LINC00632: variants seen among roughly 807,000 people sequenced by gnomAD.
LINC00632 encodes ALDOA related specific transcript.
chrX:140,723,710 CACACGCCAT>C (rs1281881560), intron 2 of LINC00632, among the ~76,000 whole-genome samples: 10 of 218 alleles, frequency 0.046, no homozygotes, highest in Non-Finnish European at 0.061. Flanking sequence ...TCCATATACA[CACACGCCAT>C]ACACACATTC....
intron 3 of LINC00632, among the ~76,000 whole-genome samples, chrX:140,742,197 G>A (rs1931233733): frequency 8.9e-6 from 1 of 111,874 alleles, no homozygotes; most frequent in Non-Finnish European, 1.9e-5. Flanking sequence ...AAGTTTATTG[G>A]AAAATTTTTG....
intron 2 of LINC00632, among the ~76,000 whole-genome samples, chrX:140,732,323 T>G (rs150722691): frequency 8.9e-6 from 1 of 112,226 alleles, no homozygotes; most frequent in East Asian, 2.8e-4. Context: ...TACACTCAGA[T>G]GCCATGTATA....
chrX:140,736,436 CTTTTTTT>C (rs748293491), intron 3 of LINC00632, among the ~76,000 whole-genome samples: 8 of 50,064 alleles, frequency 1.6e-4, no homozygotes, highest in Non-Finnish European at 3.5e-4. Context: ...TCTTCTTCTT[CTTTTTTT>C]TTTTTTTTTT....
At chrX:140,711,841 GA>G in intron 2 of LINC00632, 1 of 144,805 alleles carries the variant, frequency 6.9e-6, no homozygotes, top group South Asian at 1.8e-4. Flanking sequence ...TAAGTGTTGT[GA>G]TTTTTTTCTT....
chrX:140,759,348 T>TTC (rs1569354270), intron 3 of LINC00632, among the ~76,000 whole-genome samples: 37 of 46,644 alleles, frequency 7.9e-4, no homozygotes, highest in East Asian at 4.4e-3. Flanking sequence ...TTCCTTCCTT[T>TTC]CTTTCTTTCT....
exon 5 of LINC00632, among the ~76,000 whole-genome samples, chrX:140,788,913 ATGTGTGTGTG>A (rs72149065): frequency 1.1e-5 from 1 of 95,018 alleles, no homozygotes; most frequent in African/African-American, 3.7e-5. Context: ...ATATATATAT[ATGTGTGTGTG>A]TGTGTGTGTG....
At chrX:140,772,641 T>C (rs1005203535) in exon 4 of LINC00632, 6 of 210,968 alleles carry the variant, frequency 2.8e-5, no homozygotes, top group African/African-American at 1.5e-4. Flanking sequence ...TTGGTGTTAA[T>C]GAACCTACAC....
chrX:140,718,798 C>T (rs960910671), intron 2 of LINC00632, among the ~76,000 whole-genome samples: 2 of 111,913 alleles, frequency 1.8e-5, no homozygotes, highest in African/African-American at 6.5e-5. Flanking sequence ...CAGCTAGACA[C>T]GCTACAATGC....
intron 1 of LINC00632, chrX:140,711,580 C>T (rs1930514432): frequency 3.3e-6 from 1 of 298,809 alleles, no homozygotes; most frequent in South Asian, 3.4e-5. Flanking sequence ...AATATCTTTC[C>T]ATATAAATAT....
At chrX:140,752,249 A>G (rs1185498618) in intron 3 of LINC00632, among the ~76,000 whole-genome samples, 1 of 111,996 alleles carries the variant, frequency 8.9e-6, no homozygotes, top group Non-Finnish European at 1.9e-5. Context: ...CTGAATAGTC[A>G]GTAGCGACAT....
exon 5 of LINC00632, among the ~76,000 whole-genome samples, chrX:140,778,570 AC>A (rs1931899864): frequency 9.4e-6 from 1 of 106,636 alleles, no homozygotes; most frequent in Admixed American, 1.0e-4. Flanking sequence ...GCACCACTGC[AC>A]TCCAGCCTGG....
chrX:140,736,341 A>G (rs1250976054), intron 3 of LINC00632, among the ~76,000 whole-genome samples: 4 of 110,434 alleles, frequency 3.6e-5, no homozygotes, highest in African/African-American at 1.3e-4. Flanking sequence ...ATTTCTTGGA[A>G]TAATTGACTA....
intron 2 of LINC00632, among the ~76,000 whole-genome samples, chrX:140,718,757 T>A (rs1428218530): frequency 9.0e-6 from 1 of 111,646 alleles, no homozygotes; most frequent in African/African-American, 3.3e-5. Context: ...TCATATAGAG[T>A]TTCTGCATAA....
exon 5 of LINC00632, among the ~76,000 whole-genome samples, chrX:140,788,054 CT>C (rs143548409): frequency 6.1e-4 from 67 of 109,607 alleles, no homozygotes; most frequent in Non-Finnish European, 6.1e-4. Context: ...GTAGGATATC[CT>C]TTTTATATTA....
Position 140,726,330 on chromosome X carries a change from A to G in LINC00632, n.105-7548A>G, listed in dbSNP as rs147603936. Among the ~76,000 whole-genome samples, 493 of 111,289 alleles carry G rather than the reference A, an allele frequency of 4.4e-3. 3 individuals carry two copies. Among genetic ancestry groups the G allele is most frequent in the African/African-American group, 0.014 (442 of 30,569 alleles). On this transcript the variant is annotated intron_variant and non_coding_transcript_variant, in intron 2 of 4. Coordinates refer to ENST00000648200, the Ensembl canonical transcript of LINC00632. The stretch of plus-strand genomic sequence containing the variant: ...CCAAAATACACAAACGTTTTACACG[A>G]CATACACTGACCCCAAAGAATGGCA...
In LINC00632 at chrX:140,787,256, A is replaced by C. The variant is rs773783657; in HGVS notation, n.15275A>C. ...GATTTTCGTGTATGCTCTTGTAGGCACTTTTACTAGCATATTTTCTTGTAC... is the reference window on the plus strand; with the variant it reads ...GATTTTCGTGTATGCTCTTGTAGGCCCTTTTACTAGCATATTTTCTTGTAC... On this transcript the variant is annotated non_coding_transcript_exon_variant, in exon 5 of 5. Coordinates refer to ENST00000648200, the Ensembl canonical transcript of LINC00632. Among the ~76,000 whole-genome samples the C allele has an allele frequency of 5.4e-5, 6 of 111,717 alleles. No individual in the cohort carries two copies. The South Asian group carries it at 2.2e-3, about 41-fold the overall frequency.
At chrX:140,719,041 A>G (rs1182361713) in intron 2 of LINC00632, among the ~76,000 whole-genome samples, 3 of 112,111 alleles carry the variant, frequency 2.7e-5, no homozygotes, top group Non-Finnish European at 5.6e-5. Flanking sequence ...TACAATTAAC[A>G]GACAAGAAAC....
At chrX:140,748,799 A>ATATGATATATTTTATC (rs1205019820) in intron 3 of LINC00632, among the ~76,000 whole-genome samples, 3 of 106,007 alleles carry the variant, frequency 2.8e-5, no homozygotes, top group Admixed American at 1.1e-4. Context: ...TATATTTTAT[A>ATATGATATATTTTATC]TATGATATAT....
intron 3 of LINC00632, among the ~76,000 whole-genome samples, chrX:140,753,139 A>G (rs755506041): frequency 8.9e-6 from 1 of 112,046 alleles, no homozygotes; most frequent in African/African-American, 3.2e-5. Context: ...AAAATTAAGA[A>G]AAGGGAAAAT....
Sources: allele counts gnomAD v4.1 joint callset (sites outside exome capture counted in the v4.1 genomes callset), GRCh38; gene constraint gnomAD v4.1.1; transcripts MANE v1.5; gene names NCBI Gene and HGNC (gene_info 2026-07-23, HGNC 2026-07-21).